Variants in TAFA2 observed in about 807,000 individuals in gnomAD.
TAFA2 encodes TAFA chemokine like family member 2, also known as chemokine-like protein TAFA-2.
In TAFA2, 7 loss-of-function variants were observed where a neutral mutation model predicts 18.8. That is an observed-to-expected ratio of 0.37 (90% CI 0.21 to 0.70). TAFA2 has a LOEUF of 0.70. TAFA2 is among the 30% of genes least tolerant of loss of function. TAFA2 has a pLI of 0.53. For missense variants in TAFA2, 122 were observed against 158.1 expected (o/e 0.77, Z 1.23); for synonymous variants, 60 against 54.2 (o/e 1.11, Z -0.47).
At chr12:62,249,952 A>C (rs2136994148) in intron 1 of TAFA2, among the ~76,000 whole-genome samples, 1 of 152,286 alleles carries the variant, frequency 6.6e-6, no homozygotes, top group South Asian at 2.1e-4. Flanking sequence ...CCTAAAATTA[A>C]GTAATGTCTT....
chr12:61,997,408 G>C (rs1004801267), intron 1 of TAFA2, among the ~76,000 whole-genome samples: 1 of 152,118 alleles, frequency 6.6e-6, no homozygotes, highest in African/African-American at 2.4e-5. Context: ...AATGAGCTTG[G>C]TACAGTCAAG....
rs182302245 is a variant in TAFA2 at position 62,018,533 on chromosome 12, A to G, written c.-1-151107T>C. 2.5e-3 allele frequency among the ~76,000 whole-genome samples: 377 copies of G among 152,360 alleles called. 1 individual carries two copies. Among genetic ancestry groups the G allele is most frequent in the African/African-American group, 8.2e-3 (341 of 41,582 alleles). On this transcript the variant is annotated intron_variant, in intron 1 of 4. Coordinates refer to ENST00000416284, the MANE Select transcript of TAFA2 (RefSeq NM_178539.5). ...AACTATCTGCCACGTATCTACAACT[A>G]TCTGATCTTTGACAAACCTCACAAA...
intron 1 of TAFA2, among the ~76,000 whole-genome samples, chr12:62,128,730 G>A (rs1429371233): frequency 6.6e-6 from 1 of 151,984 alleles, no homozygotes; most frequent in African/African-American, 2.4e-5. Flanking sequence ...TGTTTAATAT[G>A]TGCTTAGTTA....
intron 2 of TAFA2, among the ~76,000 whole-genome samples, chr12:61,796,319 C>T (rs1871187866): frequency 6.6e-6 from 1 of 152,074 alleles, no homozygotes; most frequent in Middle Eastern, 3.4e-3. Flanking sequence ...TTTGGCATAA[C>T]TATACAATAT....
intron 1 of TAFA2, among the ~76,000 whole-genome samples, chr12:62,212,592 G>A (rs553153235): frequency 4.6e-5 from 7 of 152,240 alleles, no homozygotes; most frequent in East Asian, 1.9e-4. Context: ...GCTGAATAAC[G>A]ATTCTCTAAA....
upstream of TAFA2, among the ~76,000 whole-genome samples, chr12:62,193,067 G>A (rs1208352407): frequency 6.6e-6 from 1 of 152,174 alleles, no homozygotes; most frequent in Non-Finnish European, 1.5e-5. Context: ...GACGCTGGAA[G>A]GTCATGTCCT....
At chr12:62,181,338 C>T (rs995199321) in intron 1 of TAFA2, among the ~76,000 whole-genome samples, 5 of 152,164 alleles carry the variant, frequency 3.3e-5, no homozygotes, top group Admixed American at 1.3e-4. Context: ...AGATGCCAGA[C>T]ACTATGCTAA....
rs10643306 is a variant in TAFA2, at chr12:62,189,940, TTGTG to T, written c.-2+1315_-2+1318del. Among the ~76,000 whole-genome samples the T allele has an allele frequency of 2.4e-3, 341 of 142,014 alleles. 1 individual carries two copies. The highest frequency in any genetic ancestry group is 9.5e-3 in the East Asian group (46 of 4,834). 93.2% of individuals were successfully genotyped at this position (142,014 alleles called of 152,430 possible). On this transcript the variant is annotated intron_variant, in intron 1 of 4. Coordinates refer to ENST00000416284, the MANE Select transcript of TAFA2 (RefSeq NM_178539.5). ...AGTAAAGGTTGCTTATGAGTTTGCTTTGTGTGTGTGTGTGTGTGTGTGTGTGTGT... is the reference window on the plus strand; with the variant it reads ...AGTAAAGGTTGCTTATGAGTTTGCTTTGTGTGTGTGTGTGTGTGTGTGTGT...
At chr12:62,112,492 T>C (rs972605151) in intron 1 of TAFA2, among the ~76,000 whole-genome samples, 5 of 152,148 alleles carry the variant, frequency 3.3e-5, no homozygotes, top group African/African-American at 9.7e-5. Flanking sequence ...AAGGAGTATC[T>C]TTGTGGTGTT....
At chr12:61,862,879 C>T (rs1025424390) in intron 2 of TAFA2, among the ~76,000 whole-genome samples, 4 of 152,104 alleles carry the variant, frequency 2.6e-5, no homozygotes, top group Non-Finnish European at 5.9e-5. Flanking sequence ...TTTTCCAGAG[C>T]ATTTATATCA....
intron 4 of TAFA2, among the ~76,000 whole-genome samples, chr12:61,726,735 T>C (rs1321787868): frequency 6.6e-6 from 1 of 152,094 alleles, no homozygotes; most frequent in Admixed American, 6.6e-5. Flanking sequence ...TTCTTTTTCT[T>C]ATCTGATTGC....
At chr12:62,020,934 G>T (rs376762397) in intron 1 of TAFA2, among the ~76,000 whole-genome samples, 2 of 152,154 alleles carry the variant, frequency 1.3e-5, no homozygotes, top group Admixed American at 1.3e-4. Flanking sequence ...TTAAATTTTA[G>T]TGCCCCTAAA....
intron 1 of TAFA2, among the ~76,000 whole-genome samples, chr12:62,155,295 T>C (rs545578082): frequency 3.9e-5 from 6 of 152,214 alleles, no homozygotes; most frequent in Admixed American, 1.3e-4. Context: ...AAAGAAATCA[T>C]AGATGACACA....
chr12:62,125,422 C>A (rs1307589561), intron 1 of TAFA2, among the ~76,000 whole-genome samples: 1 of 152,096 alleles, frequency 6.6e-6, no homozygotes, highest in Non-Finnish European at 1.5e-5. Flanking sequence ...AATAACATAT[C>A]TTCATGCATC....
chr12:61,721,019 G>A (rs1592343445), intron 4 of TAFA2: 6 of 475,716 alleles, frequency 1.3e-5, no homozygotes, highest in Non-Finnish European at 2.1e-5. Flanking sequence ...AAGCATAAAG[G>A]GACAACAAGA....
intron 1 of TAFA2, among the ~76,000 whole-genome samples, chr12:62,085,508 T>C (rs1868414189): frequency 6.6e-6 from 1 of 152,170 alleles, no homozygotes; most frequent in South Asian, 2.1e-4. Context: ...ATTCTATGAT[T>C]CTGAGAAGTA....
chr12:61,741,137 G>T (rs915247856), intron 4 of TAFA2, among the ~76,000 whole-genome samples: 3 of 151,894 alleles, frequency 2.0e-5, no homozygotes, highest in Admixed American at 6.6e-5. Flanking sequence ...ATGTGCAATG[G>T]TATCAGGTTC....
At chr12:61,928,381 A>G (rs1000868582) in intron 1 of TAFA2, among the ~76,000 whole-genome samples, 1 of 152,200 alleles carries the variant, frequency 6.6e-6, no homozygotes, top group African/African-American at 2.4e-5. Context: ...TTCTCAAAAG[A>G]AGACGTTTAT....
At chr12:61,851,972 C>T (rs2121164893) in intron 2 of TAFA2, among the ~76,000 whole-genome samples, 1 of 151,706 alleles carries the variant, frequency 6.6e-6, no homozygotes, top group Non-Finnish European at 1.5e-5. Flanking sequence ...ATTTGGGAGG[C>T]CGAGGGGGGC....
Sources: allele counts gnomAD v4.1 joint callset (sites outside exome capture counted in the v4.1 genomes callset), GRCh38; gene constraint gnomAD v4.1.1; transcripts MANE v1.5; gene names NCBI Gene and HGNC (gene_info 2026-07-23, HGNC 2026-07-21).